The following GPN3 variants were observed in gnomAD, a reference collection of about 807,000 sequenced individuals.
GPN3 encodes ATP-binding domain 1 family member C.
In GPN3, 31 loss-of-function variants were observed where a neutral mutation model predicts 38.7. The ratio of observed to expected loss-of-function variants is 0.80; its 90% CI spans 0.60 to 1.08. The LOEUF is 1.08. Ranked by LOEUF, GPN3 falls within the 50% of genes least tolerant of loss-of-function variation. GPN3 has a pLI of 0.00. For synonymous variants in GPN3, 116 were observed against 120.2 expected, an observed-to-expected ratio of 0.96 and a Z score of 0.23; for missense variants, 301 against 354.4, an observed-to-expected ratio of 0.85 and a Z score of 1.21.
intron 1 of GPN3, among the ~76,000 whole-genome samples, chr12:110,467,622 A>G (rs973572650): frequency 2.0e-5 from 3 of 152,208 alleles, no homozygotes; most frequent in African/African-American, 7.2e-5. Flanking sequence ...TGAAAGAGAA[A>G]TGAAAAGGGA....
chr12:110,457,416 C>T lies in GPN3; in HGVS notation c.450+94G>A, dbSNP rs964370754. On this transcript the variant is annotated intron_variant, in intron 4 of 7. Transcript: ENST00000228827. Reference sequence around the variant, plus strand: ...GCAGTGAGCTGAGATCACGCCACTGCGCTCCAGCCTAGGCAACAGAGTAAG... The same window carrying T: ...GCAGTGAGCTGAGATCACGCCACTGTGCTCCAGCCTAGGCAACAGAGTAAG... 59 of 1,087,696 alleles carry T rather than the reference C, an allele frequency of 5.4e-5. 1 individual carries two copies. The highest frequency in any genetic ancestry group is 4.1e-5 in the South Asian group (2 of 49,160). The allele number at this position is 1,087,696 out of a possible 1,614,324, so 67.4% of individuals were successfully genotyped here. A position where few individuals can be genotyped will look rare whatever the true frequency, so the allele number is the denominator to read the frequency against.
rs1178090511 is a variant in GPN3 at position 110,452,969 on chromosome 12, TGAAGA to T, written c.*60_*64del. 4 of 802,594 alleles carry T rather than the reference TGAAGA, an allele frequency of 5.0e-6. No homozygotes were observed. Among genetic ancestry groups the T allele is most frequent in the Non-Finnish European group, 9.1e-6 (4 of 439,630 alleles). 49.7% of individuals were successfully genotyped at this position (802,594 alleles called of 1,614,324 possible). A position where few individuals can be genotyped will look rare whatever the true frequency, so the allele number is the denominator to read the frequency against. On this transcript the variant is annotated 3_prime_UTR_variant, in exon 8 of 8. Transcript: ENST00000228827. ...AGTAGCTTTCTACTATTGCATCCTT[TGAAGA>T]GAAGAATGTTCTGCTGGTTTGGCCA...
At chr12:110,455,528 A>G in intron 6 of GPN3, 58 bp downstream of exon 6, 1 of 744,770 alleles carries the variant, frequency 1.3e-6, no homozygotes. Context: ...CCAAAGTGCT[A>G]GGGTTACAGG....
intron 1 of GPN3, among the ~76,000 whole-genome samples, chr12:110,466,201 G>A (rs1249747056): frequency 1.3e-5 from 2 of 152,042 alleles, no homozygotes; most frequent in East Asian, 3.8e-4. Flanking sequence ...ATAAATACTT[G>A]ATAATTGTTT....
chr12:110,466,272 GT>G (rs1487659349), intron 1 of GPN3, among the ~76,000 whole-genome samples: 1 of 152,070 alleles, frequency 6.6e-6, no homozygotes, highest in Admixed American at 6.6e-5. Context: ...GTGTGTGCAT[GT>G]TTTTTTCCCC....
chr12:110,463,875 A>G (rs139976310), intron 2 of GPN3, among the ~76,000 whole-genome samples: 1 of 152,128 alleles, frequency 6.6e-6, no homozygotes, highest in East Asian at 1.9e-4. Context: ...AACAGGATAA[A>G]ATCCCATCTT....
Position 110,457,533 on chromosome 12 carries a change from G to A in GPN3, c.427C>T (p.Gln143Ter). Residue 143 changes from glutamine to a stop codon, truncating the protein, a stop_gained, in exon 4 of 8, where the codon CAG (glutamine) becomes TAG (stop). Coordinates refer to ENST00000228827, the MANE Select transcript of GPN3 (RefSeq NM_016301.4). LOFTEE classifies it high-confidence loss of function. ...ACCTTGAATGACTCCACCATGAACT[G>A]AGAATCAACAAGAAAAACTCCACAG... ...RVCGVFLVDS[Q>*]FMVESFKFIS... 1 of 1,586,772 alleles carries A rather than the reference G, an allele frequency of 6.3e-7. No individual in the cohort carries two copies. Among genetic ancestry groups the A allele is most frequent in the Non-Finnish European group, 8.6e-7 (1 of 1,164,514 alleles).
At chr12:110,456,989 C>T (rs989732391) in intron 4 of GPN3, among the ~76,000 whole-genome samples, 4 of 152,202 alleles carry the variant, frequency 2.6e-5, no homozygotes, top group Admixed American at 6.6e-5. Context: ...TGAACCACTT[C>T]ACCCAGCAAC....
In GPN3 at chr12:110,468,180, G is replaced by C; in HGVS notation, c.24C>G (p.Val8=). 6.2e-7 allele frequency: 1 copy of C among 1,611,908 alleles called. No individual in the cohort carries two copies. The highest frequency in any genetic ancestry group is 2.2e-5 in the East Asian group (1 of 44,862). ...CCTTCCCGCTGCCCGCGGGGCCCAT[G>C]ACCAGCTGCGCATACCGAGGCATGT... MPRYAQL[V]MGPAGSGKST... is the part of the protein sequence containing the mutation. The change falls in exon 1 of 8, where the codon GTC becomes GTG. Residue 8 remains valine, a synonymous_variant. Transcript: ENST00000228827.
chr12:110,457,747 T>C (rs984387076), intron 3 of GPN3, 113 bp from the exon 4 acceptor site: 3 of 650,944 alleles, frequency 4.6e-6, no homozygotes, highest in Non-Finnish European at 7.6e-6. Context: ...AACACATTTT[T>C]AAGGGGCCCA....
At chr12:110,454,060 C>T (rs2062532860) in intron 6 of GPN3, among the ~76,000 whole-genome samples, 189 bp from the exon 7 acceptor site, 1 of 152,176 alleles carries the variant, frequency 6.6e-6, no homozygotes, top group Non-Finnish European at 1.5e-5. Context: ...TTCTGATCTG[C>T]TAGAACACTT....
intron 2 of GPN3, among the ~76,000 whole-genome samples, chr12:110,464,566 G>C (rs1052675014): frequency 4.0e-5 from 6 of 151,768 alleles, no homozygotes; most frequent in African/African-American, 1.4e-4. Flanking sequence ...CAGAATGAAA[G>C]GGTGCTGAGG....
chr12:110,467,540 T>G (rs1337779819), intron 1 of GPN3, among the ~76,000 whole-genome samples: 2 of 152,174 alleles, frequency 1.3e-5, no homozygotes, highest in Non-Finnish European at 2.9e-5. Context: ...TGAAAAGACC[T>G]GGGGATTAAA....
chr12:110,467,276 C>T (rs1440521215), intron 1 of GPN3, among the ~76,000 whole-genome samples: 1 of 152,170 alleles, frequency 6.6e-6, no homozygotes, highest in East Asian at 1.9e-4. Context: ...AGACGTGAGC[C>T]ACCACGCCTG....
chr12:110,457,457 C>CAAAA (rs56713819), intron 4 of GPN3, 53 bp downstream of exon 4: 75 of 590,670 alleles, frequency 1.3e-4, no homozygotes, highest in Admixed American at 2.9e-4. Flanking sequence ...GTCACACACA[C>CAAAA]AAAAAAAAAA....
chr12:110,468,677 T>G, upstream of GPN3: 1 of 1,532,060 alleles, frequency 6.5e-7, no homozygotes, highest in South Asian at 1.2e-5. Flanking sequence ...CACAGAGAGG[T>G]GCAAACGTGC....
rs189919803 is a variant in GPN3, at chr12:110,458,472, T to G, written c.326-838A>C. On this transcript the variant is annotated intron_variant, in intron 3 of 7. Coordinates refer to ENST00000228827, the MANE Select transcript of GPN3 (RefSeq NM_016301.4). The surrounding 1 kb of genome is among the most constrained non-coding windows in gnomAD (Gnocchi z 4.4). ...GGGCCATAAATGGTCAAAGCCAGGT[T>G]AGGCTCAAGTTGAAAATTCACAATT... Among the ~76,000 whole-genome samples, 1 of 152,228 alleles carries G rather than the reference T, an allele frequency of 6.6e-6. No individual in the cohort carries two copies. The highest frequency in any genetic ancestry group is 1.9e-4 in the East Asian group (1 of 5,174).
chr12:110,455,277 C>G (rs1261139467), intron 6 of GPN3, among the ~76,000 whole-genome samples: 1 of 151,884 alleles, frequency 6.6e-6, no homozygotes, highest in African/African-American at 2.4e-5. Flanking sequence ...CGCACACCAC[C>G]ATGCCCAGCT....
At chr12:110,462,902 G>A (rs1273874375) in intron 2 of GPN3, among the ~76,000 whole-genome samples, 1 of 152,132 alleles carries the variant, frequency 6.6e-6, no homozygotes, top group Non-Finnish European at 1.5e-5. Context: ...GACCACAGGC[G>A]CCCGCCACCA....
Sources: allele counts gnomAD v4.1 joint callset (sites outside exome capture counted in the v4.1 genomes callset), GRCh38; gene constraint gnomAD v4.1.1; non-coding constraint Gnocchi (gnomAD v3.1); transcripts MANE v1.5; gene names NCBI Gene and HGNC (gene_info 2026-07-23, HGNC 2026-07-21).